The following ST3GAL2 variants were observed in gnomAD, a reference collection of about 807,000 sequenced individuals.
The protein encoded by ST3GAL2 is ST3 beta-galactoside alpha-2,3-sialyltransferase 2.
ST3GAL2 carries 16 observed loss-of-function variants against 37.5 expected under a neutral mutation model. That is an observed-to-expected ratio of 0.43 (90% CI 0.29 to 0.65). The LOEUF is 0.65. ST3GAL2 is among the 30% of genes least tolerant of loss of function. ST3GAL2 has a pLI of 0.17. For synonymous variants in ST3GAL2, 238 were observed against 202.9 expected, an observed-to-expected ratio of 1.17 and a Z score of -1.47; for missense variants, 383 against 487.8, an observed-to-expected ratio of 0.79 and a Z score of 2.02.
At chr16:70,429,991 C>G (rs1315215456) in intron 1 of ST3GAL2, among the ~76,000 whole-genome samples, 1 of 152,206 alleles carries the variant, frequency 6.6e-6, no homozygotes, top group African/African-American at 2.4e-5. Flanking sequence ...TATATGCATT[C>G]AACCAGACCA....
At chr16:70,434,116 C>G (rs917487135) in intron 1 of ST3GAL2, among the ~76,000 whole-genome samples, 1 of 152,194 alleles carries the variant, frequency 6.6e-6, no homozygotes, top group Non-Finnish European at 1.5e-5. Flanking sequence ...GTCTCCTCCA[C>G]AACACTCAGC....
intron 2 of ST3GAL2, among the ~76,000 whole-genome samples, chr16:70,396,238 G>GGGATTACTTTTACTCAAAAGT: frequency 6.7e-6 from 1 of 150,292 alleles, no homozygotes; most frequent in South Asian, 2.1e-4. Flanking sequence ...CCAAGGTGGT[G>GGGATTACTTTTACTCAAAAGT]GGATTACTTT....
At chr16:70,393,435 C>A (rs1268194342) in intron 3 of ST3GAL2, among the ~76,000 whole-genome samples, 1 of 152,218 alleles carries the variant, frequency 6.6e-6, no homozygotes. Context: ...GACTTAGAGG[C>A]AGTCCTTTTG....
chr16:70,437,328 A>G (rs968342615), intron 1 of ST3GAL2, among the ~76,000 whole-genome samples: 1 of 152,118 alleles, frequency 6.6e-6, no homozygotes, highest in African/African-American at 2.4e-5. Context: ...ATTCACAGCC[A>G]AGGGGGAGGG....
At chr16:70,437,546 T>A (rs1204446843) in intron 1 of ST3GAL2, among the ~76,000 whole-genome samples, 1 of 126,038 alleles carries the variant, frequency 7.9e-6, no homozygotes, top group African/African-American at 3.1e-5. Flanking sequence ...ACAAAAAACC[T>A]GAATAATACA....
At chr16:70,395,843 C>T (rs562908505) in intron 2 of ST3GAL2, among the ~76,000 whole-genome samples, 108 of 152,286 alleles carry the variant, frequency 7.1e-4, no homozygotes, top group African/African-American at 2.5e-3. Context: ...ATCTGAGCCC[C>T]GGCAAAGAGA....
intron 1 of ST3GAL2, among the ~76,000 whole-genome samples, chr16:70,428,872 G>A (rs1227960490): frequency 1.3e-5 from 2 of 152,180 alleles, no homozygotes; most frequent in East Asian, 3.8e-4. Context: ...TGGCTTTGGG[G>A]AAAAACCTGG....
At chr16:70,412,151 A>G (rs908190252) in intron 1 of ST3GAL2, among the ~76,000 whole-genome samples, 7 of 152,210 alleles carry the variant, frequency 4.6e-5, no homozygotes, top group Non-Finnish European at 8.8e-5. Flanking sequence ...TCTGTAGGTG[A>G]TAAAACTGTC....
At chr16:70,402,803 C>CCA (rs1417834464) in intron 1 of ST3GAL2, among the ~76,000 whole-genome samples, 1 of 152,152 alleles carries the variant, frequency 6.6e-6, no homozygotes, top group Non-Finnish European at 1.5e-5. Context: ...GCATGTGCCA[C>CCA]CACACCCAGC....
At chr16:70,425,722 C>CAA (rs61445465) in intron 1 of ST3GAL2, among the ~76,000 whole-genome samples, 3 of 144,922 alleles carry the variant, frequency 2.1e-5, no homozygotes, top group Non-Finnish European at 4.6e-5. Flanking sequence ...AACTCTGTCT[C>CAA]AAAAAAAAAA....
At chr16:70,409,084 AG>A (rs2047617381) in intron 1 of ST3GAL2, among the ~76,000 whole-genome samples, 1 of 151,890 alleles carries the variant, frequency 6.6e-6, no homozygotes, top group African/African-American at 2.4e-5. Context: ...CGGAGTGGGC[AG>A]GGGGAAATCC....
At chr16:70,407,384 G>T (rs1199128626) in intron 1 of ST3GAL2, among the ~76,000 whole-genome samples, 2 of 152,122 alleles carry the variant, frequency 1.3e-5, no homozygotes, top group Admixed American at 6.5e-5. Context: ...CAAGTGATCC[G>T]CCTGCCTCGG....
At chr16:70,434,925 G>C (rs573772643) in intron 1 of ST3GAL2, among the ~76,000 whole-genome samples, 144 of 152,172 alleles carry the variant, frequency 9.5e-4, no homozygotes, top group Non-Finnish European at 1.7e-3. Flanking sequence ...AAAATGCTTT[G>C]CAAAGCACAA....
At chr16:70,395,304 GC>G in intron 2 of ST3GAL2, 129 bp from the exon 3 acceptor site, 1 of 855,774 alleles carries the variant, frequency 1.2e-6, no homozygotes, top group Non-Finnish European at 1.8e-6. Context: ...CCAGGGCTCT[GC>G]CAGGGAACAG....
intron 3 of ST3GAL2, among the ~76,000 whole-genome samples, chr16:70,389,240 A>AAAAAAAAAAAAAAC (rs2047465495): frequency 7.2e-6 from 1 of 138,454 alleles, no homozygotes; most frequent in Non-Finnish European, 1.5e-5. Flanking sequence ...AAAAAAAAAA[A>AAAAAAAAAAAAAAC]AAAAGGTTAC....
chr16:70,438,596 A>G (rs2047843403), intron 1 of ST3GAL2, among the ~76,000 whole-genome samples: 1 of 148,306 alleles, frequency 6.7e-6, no homozygotes, highest in Non-Finnish European at 1.5e-5. Context: ...GGTTAGCGGT[A>G]CGAACTAGGG....
At chr16:70,426,515 CT>C (rs1306374449) in intron 1 of ST3GAL2, among the ~76,000 whole-genome samples, 236 of 132,244 alleles carry the variant, frequency 1.8e-3, no homozygotes, top group Admixed American at 2.1e-3. Flanking sequence ...AAGTGTTTTT[CT>C]TTTTTTTTTT....
At position 70,431,985 on chromosome 16, in the gene ST3GAL2, A is replaced by ATATATATATTTTTTT. The variant is rs1454729972; in HGVS notation, c.-1004+6963_-1004+6964insAAAAAAATATATATA. Among the ~76,000 whole-genome samples, 254 of 139,020 alleles carry ATATATATATTTTTTT rather than the reference A, an allele frequency of 1.8e-3. 3 individuals are homozygous for ATATATATATTTTTTT. Among genetic ancestry groups the ATATATATATTTTTTT allele is most frequent in the African/African-American group, 7.8e-3 (244 of 31,346 alleles). The allele number at this position is 139,020 out of a possible 152,430, so 91.2% of individuals were successfully genotyped here. ...TCTTAAAAAAAATATATATATATAT[A>ATATATATATTTTTTT]TTTTTTTTTAACTTAGCTGGGCACA... On this transcript the variant is annotated intron_variant, in intron 1 of 6. Coordinates refer to ENST00000342907, the MANE Select transcript of ST3GAL2 (RefSeq NM_006927.4).
At chr16:70,384,814 C>G (rs1159305987) in intron 4 of ST3GAL2, among the ~76,000 whole-genome samples, 1 of 146,582 alleles carries the variant, frequency 6.8e-6, no homozygotes, top group Non-Finnish European at 1.5e-5. Context: ...CACCTGAGGT[C>G]AGGGGTTCAA....
Sources: allele counts gnomAD v4.1 joint callset (sites outside exome capture counted in the v4.1 genomes callset), GRCh38; gene constraint gnomAD v4.1.1; transcripts MANE v1.5; gene names NCBI Gene and HGNC (gene_info 2026-07-23, HGNC 2026-07-21).